Variants in TNS1 observed in about 807,000 individuals in gnomAD.
TNS1 encodes tensin-1.
Under a neutral mutation model 168.6 loss-of-function variants are expected in TNS1, and 62 were observed. The ratio of observed to expected loss-of-function variants is 0.37; its 90% CI spans 0.30 to 0.45. TNS1 has a LOEUF of 0.45. Ranked by LOEUF, TNS1 falls within the 20% of genes least tolerant of loss-of-function variation. TNS1 has a pLI of 1.00. For synonymous variants in TNS1, 934 were observed against 933.2 expected (o/e 1.00, Z -0.02); for missense variants, 2,240 against 2,339.4 (o/e 0.96, Z 0.88).
upstream of TNS1, among the ~76,000 whole-genome samples, chr2:218,012,653 C>T (rs535660369): frequency 2.6e-5 from 4 of 152,116 alleles, no homozygotes; most frequent in Non-Finnish European, 5.9e-5. Context: ...CCCCCCATAC[C>T]CCATATAGCT....
At position 217,813,860 on chromosome 2, in the gene TNS1, G is replaced by A. The variant is rs757556105; in HGVS notation, c.4730-44C>T. ...AGGAGAGAGGAGGAAGCAAGACCTC[G>A]GTGGCGCTAGTTTTACTTAAGTCTC... On this transcript the variant is annotated intron_variant, in intron 25 of 32. Coordinates refer to ENST00000682258, the MANE Select transcript of TNS1 (RefSeq NM_001387777.1). This position sits in a 1 kb window ranked among gnomAD's most constrained non-coding sequence, Gnocchi z 4.0. 19 of 1,533,162 alleles carry A rather than the reference G, an allele frequency of 1.2e-5. No individual in the cohort carries two copies. Among genetic ancestry groups the A allele is most frequent in the Non-Finnish European group, 1.6e-5 (18 of 1,139,838 alleles). 95.0% of individuals were successfully genotyped at this position (1,533,162 alleles called of 1,614,324 possible).
chr2:217,884,370 G>T (rs1265337854), intron 16 of TNS1, among the ~76,000 whole-genome samples: 1 of 152,156 alleles, frequency 6.6e-6, no homozygotes, highest in Admixed American at 6.5e-5. Context: ...TTGGTGGATG[G>T]AGAGAGAGAT....
At chr2:217,856,063 A>G (rs1355758618) in intron 18 of TNS1, among the ~76,000 whole-genome samples, 1 of 151,966 alleles carries the variant, frequency 6.6e-6, no homozygotes, top group Non-Finnish European at 1.5e-5. Flanking sequence ...CACCCCAAAA[A>G]CCATCTGTGG....
rs140634729 is a variant in TNS1 at position 217,836,091 on chromosome 2, A to T, written c.3128T>A (p.Val1043Asp). The change falls in exon 20 of 33, where the codon GTT becomes GAT. Residue 1043 changes from valine (V) to aspartate (D), a missense_variant. Transcript: ENST00000682258. ...PEATSPRSPG[V>D]RSPVQCVSPE... is the part of the protein sequence containing the mutation. The stretch of plus-strand genomic sequence containing the variant: ...GGAGACACACTGGACAGGGGAGCGA[A>T]CCCCAGGGCTACGAGGGGATGTGGC... 3.4e-5 allele frequency: 55 copies of T among 1,613,852 alleles called. No individual in the cohort carries two copies. Among genetic ancestry groups the T allele is most frequent in the Non-Finnish European group, 4.2e-5 (49 of 1,179,974 alleles).
chr2:217,918,391 C>T (rs753857852), intron 4 of TNS1, among the ~76,000 whole-genome samples: 11 of 152,188 alleles, frequency 7.2e-5, no homozygotes, highest in Admixed American at 4.6e-4. Flanking sequence ...CTGGGAGCAC[C>T]GTCTGGTGAC....
At chr2:217,835,241 A>G (rs1433553316) in intron 20 of TNS1, 75 bp from the exon 21 acceptor site, 2 of 1,423,612 alleles carry the variant, frequency 1.4e-6, no homozygotes, top group African/African-American at 2.9e-5. Flanking sequence ...GACCTGAGGT[A>G]TGAGGACAGT....
chr2:217,819,449 C>T (rs1475208869), intron 23 of TNS1, among the ~76,000 whole-genome samples: 1 of 152,106 alleles, frequency 6.6e-6, no homozygotes, highest in East Asian at 1.9e-4. Context: ...GACCTATTGG[C>T]CTGAATGCTG....
chr2:217,980,504 CACAGAGAGAGAGAGAGAGAGAG>C (rs1194367998), intron 2 of TNS1, among the ~76,000 whole-genome samples: 1 of 131,232 alleles, frequency 7.6e-6, no homozygotes, highest in African/African-American at 2.8e-5. Context: ...CCTACACACA[CACAGAGAGAGAGAGAGAGAGAG>C]AGAGAGAGAG....
intron 2 of TNS1, among the ~76,000 whole-genome samples, chr2:217,988,315 G>A (rs181258730): frequency 2.0e-5 from 3 of 152,300 alleles, no homozygotes; most frequent in East Asian, 3.9e-4. Flanking sequence ...GTTCACATGG[G>A]GTCAAATCCT....
intron 11 of TNS1, 41 bp from the exon 12 acceptor site, chr2:217,891,086 A>C: frequency 6.2e-7 from 1 of 1,605,908 alleles, no homozygotes; most frequent in Non-Finnish European, 8.5e-7. Flanking sequence ...CAACTCCTGC[A>C]TCCAAGAGCC....
chr2:217,995,499 G>T lies in TNS1; in HGVS notation c.34-4443C>A, dbSNP rs1013498682. Among the ~76,000 whole-genome samples the T allele has an allele frequency of 1.3e-5, 2 of 152,156 alleles. No individual in the cohort carries two copies. Among genetic ancestry groups the T allele is most frequent in the African/African-American group, 4.8e-5 (2 of 41,426 alleles). ...AATATGGGCTAAGAAGAAAAGCGGG[G>T]TGCCTGGTACCTACCCAGCCCTCCC... On this transcript the variant is annotated intron_variant, in intron 1 of 32. Coordinates refer to ENST00000682258, the MANE Select transcript of TNS1 (RefSeq NM_001387777.1). The surrounding 1 kb of genome is among the most constrained non-coding windows in gnomAD (Gnocchi z 4.1).
In TNS1 at chr2:217,885,083, C is replaced by T. The variant is rs1951061069; in HGVS notation, c.1198G>A (p.Asp400Asn). The change falls in exon 16 of 33, where the codon GAC (aspartate) becomes AAC (asparagine). Residue 400 changes from aspartate to asparagine, a missense_variant. This residue lies in a region of TNS1 where 2,131 missense variants were observed against 2,171.2 expected (regional missense o/e 0.98). Transcript: ENST00000682258. Reference protein sequence around the residue: ...RVQFHTCAIHDLGVVFGKEDL... With the variant: ...RVQFHTCAIHNLGVVFGKEDL... ...TCCTTCCCAAAGACAACCCCCAGGT[C>T]ATGGATGGCACAGGTGTGGAACTGC... 1.2e-6 allele frequency: 2 copies of T among 1,614,144 alleles called. No homozygotes were observed. The highest frequency in any genetic ancestry group is 2.2e-5 in the South Asian group (2 of 91,086).
chr2:217,923,993 G>A (rs1475888392), intron 3 of TNS1, among the ~76,000 whole-genome samples: 1 of 152,050 alleles, frequency 6.6e-6, no homozygotes. Context: ...AGGACATGAG[G>A]GAAAAAGCAC....
rs557681484 is a variant in TNS1, at chr2:217,909,719, G to C, written c.229-2468C>G. Among the ~76,000 whole-genome samples, 4 of 152,212 alleles carry C rather than the reference G, an allele frequency of 2.6e-5. No individual in the cohort carries two copies. The South Asian group carries it at 6.2e-4, about 24-fold the overall frequency. ...TCAGCTAACAGCTCCCTTGCCTCCA[G>C]GCAGGACAACTCCAACTCGGAATCA... On this transcript the variant is annotated intron_variant, in intron 4 of 32. Coordinates refer to ENST00000682258, the MANE Select transcript of TNS1 (RefSeq NM_001387777.1).
chr2:217,810,551 AC>A (rs1940663222), intron 28 of TNS1, among the ~76,000 whole-genome samples: 1 of 152,046 alleles, frequency 6.6e-6, no homozygotes, highest in Non-Finnish European at 1.5e-5. Flanking sequence ...TCAAACCCTC[AC>A]CCCAGCACTT....
At chr2:217,927,135 A>C (rs1225940009) in intron 3 of TNS1, among the ~76,000 whole-genome samples, 1 of 152,244 alleles carries the variant, frequency 6.6e-6, no homozygotes. Flanking sequence ...TGCCTGGCTC[A>C]GAGCCTGATG....
In TNS1 at chr2:217,893,513, T is replaced by A. The variant is rs202181466; in HGVS notation, c.643A>T (p.Ile215Phe). 19 of 1,613,524 alleles carry A rather than the reference T, an allele frequency of 1.2e-5. No homozygotes were observed. The Admixed American group carries it at 1.5e-4, about 13-fold the overall frequency. ...TCCATGGCCTTACAGATGCTGCAGA[T>A]CTTCTCCAGGGCTGGGGTGTGGAGG... ...PDLHTPALEK[I>F]CSICKAMDTW... The change falls in exon 10 of 33, where the codon ATC becomes TTC. Residue 215 changes from isoleucine to phenylalanine, a missense_variant. Ile to Phe is a conservative substitution (Grantham distance 21). Coordinates refer to ENST00000682258, the MANE Select transcript of TNS1 (RefSeq NM_001387777.1).
At chr2:217,971,874 G>C (rs1000505974) in intron 3 of TNS1, among the ~76,000 whole-genome samples, 2 of 152,104 alleles carry the variant, frequency 1.3e-5, no homozygotes, top group African/African-American at 4.8e-5. Flanking sequence ...GCAAACAAGC[G>C]AAAGACATAT....
intron 19 of TNS1, chr2:217,841,110 T>C (rs1219016953): frequency 2.0e-6 from 1 of 503,296 alleles, no homozygotes; most frequent in Non-Finnish European, 2.6e-6. Flanking sequence ...TTGGAAGGAA[T>C]AGCACATGAA....
Sources: allele counts gnomAD v4.1 joint callset (sites outside exome capture counted in the v4.1 genomes callset), GRCh38; gene constraint gnomAD v4.1.1; regional missense constraint gnomAD v4.1.1; non-coding constraint Gnocchi (gnomAD v3.1); transcripts MANE v1.5; gene names NCBI Gene and HGNC (gene_info 2026-07-23, HGNC 2026-07-21).